Variants in ELMO1 observed in about 807,000 individuals in gnomAD.
The protein encoded by ELMO1 is engulfment and cell motility 1, also known as engulfment and cell motility protein 1.
Under a neutral mutation model 98.9 loss-of-function variants are expected in ELMO1, and 26 were observed. The ratio of observed to expected loss-of-function variants is 0.26; its 90% CI spans 0.19 to 0.36. The LOEUF is 0.36. ELMO1 is among the 10% of genes least tolerant of loss of function. The pLI is 1.00. For missense variants in ELMO1, 627 were observed against 935.2 expected, an observed-to-expected ratio of 0.67 and a Z score of 4.30; for synonymous variants, 346 against 346.0, an observed-to-expected ratio of 1.00 and a Z score of 0.00.
intron 16 of ELMO1, among the ~76,000 whole-genome samples, chr7:36,995,582 T>A (rs1792152326): frequency 6.6e-6 from 1 of 152,180 alleles, no homozygotes; most frequent in African/African-American, 2.4e-5. Flanking sequence ...CAGGCTGCTC[T>A]ACTCACATTT....
At chr7:37,000,445 G>A (rs911971709) in intron 16 of ELMO1, among the ~76,000 whole-genome samples, 1 of 152,188 alleles carries the variant, frequency 6.6e-6, no homozygotes, top group Non-Finnish European at 1.5e-5. Context: ...AAGAGTTCTG[G>A]GGAGCTGATT....
intron 14 of ELMO1, among the ~76,000 whole-genome samples, chr7:37,131,814 C>T (rs929615869): frequency 1.3e-5 from 2 of 152,188 alleles, no homozygotes; most frequent in Non-Finnish European, 2.9e-5. Flanking sequence ...ATTCAGATTA[C>T]AAATAATATT....
intron 16 of ELMO1, among the ~76,000 whole-genome samples, chr7:36,956,382 C>A (rs1260760480): frequency 1.3e-5 from 2 of 152,160 alleles, no homozygotes; most frequent in African/African-American, 4.8e-5. Flanking sequence ...TCTGCATATG[C>A]CTTCTTGTCT....
At chr7:37,195,119 C>G (rs1235261269) in intron 13 of ELMO1, among the ~76,000 whole-genome samples, 2 of 152,154 alleles carry the variant, frequency 1.3e-5, no homozygotes, top group South Asian at 2.1e-4. Context: ...AGCAGGCTCC[C>G]TGTGTCTAGT....
chr7:37,236,801 C>G (rs1354080841), intron 7 of ELMO1, among the ~76,000 whole-genome samples: 1 of 152,088 alleles, frequency 6.6e-6, no homozygotes, highest in Non-Finnish European at 1.5e-5. Flanking sequence ...AGTGAGATGG[C>G]TATAAAAGCT....
intron 1 of ELMO1, among the ~76,000 whole-genome samples, chr7:37,390,912 GAC>G (rs1023329973): frequency 6.6e-5 from 10 of 152,214 alleles, no homozygotes; most frequent in Non-Finnish European, 1.0e-4. Context: ...TGACCCTGTA[GAC>G]ACTGTTTCCC....
At chr7:36,893,428 G>T (rs185613828) in intron 17 of ELMO1, among the ~76,000 whole-genome samples, 1 of 152,256 alleles carries the variant, frequency 6.6e-6, no homozygotes, top group African/African-American at 2.4e-5. Flanking sequence ...TGCTCATGCA[G>T]GTATGACTTA....
At chr7:36,982,193 CTTT>C (rs1002419725) in intron 16 of ELMO1, among the ~76,000 whole-genome samples, 5 of 152,172 alleles carry the variant, frequency 3.3e-5, no homozygotes, top group African/African-American at 1.2e-4. Context: ...CATGAATCTA[CTTT>C]TTTAACTATG....
chr7:37,208,745 CAA>C (rs1792788853), intron 13 of ELMO1, among the ~76,000 whole-genome samples: 1 of 152,126 alleles, frequency 6.6e-6, no homozygotes, highest in African/African-American at 2.4e-5. Context: ...ATCTGCTTGT[CAA>C]AAGTTACTGG....
At chr7:37,011,511 G>C (rs1294914756) in intron 16 of ELMO1, among the ~76,000 whole-genome samples, 1 of 152,196 alleles carries the variant, frequency 6.6e-6, no homozygotes, top group East Asian at 1.9e-4. Flanking sequence ...GCTTATCTGT[G>C]CCTAGATCAA....
intron 13 of ELMO1, among the ~76,000 whole-genome samples, chr7:37,195,416 A>T (rs1245348219): frequency 6.6e-6 from 1 of 152,200 alleles, no homozygotes; most frequent in Non-Finnish European, 1.5e-5. Flanking sequence ...ACATGACCCT[A>T]TTGCCTGGCA....
At chr7:37,048,022 C>G (rs1323717469) in intron 15 of ELMO1, among the ~76,000 whole-genome samples, 1 of 152,176 alleles carries the variant, frequency 6.6e-6, no homozygotes, top group Non-Finnish European at 1.5e-5. Context: ...ATTGGTTTGC[C>G]TTGTAGAACT....
At chr7:37,097,447 G>A (rs73335535) in intron 14 of ELMO1, among the ~76,000 whole-genome samples, 22,682 of 152,064 alleles carry the variant, frequency 0.15, 2,570 homozygotes, top group African/African-American at 0.32. Flanking sequence ...ATCTGGGTGC[G>A]GTGGCAGGTG....
At chr7:37,072,296 T>C (rs1476756405) in intron 15 of ELMO1, among the ~76,000 whole-genome samples, 1 of 152,214 alleles carries the variant, frequency 6.6e-6, no homozygotes, top group East Asian at 1.9e-4. Flanking sequence ...AATTGAATCA[T>C]GGGGGTGGGT....
chr7:36,934,650 T>C (rs1254080953), intron 16 of ELMO1, among the ~76,000 whole-genome samples: 2 of 152,240 alleles, frequency 1.3e-5, no homozygotes, highest in African/African-American at 4.8e-5. Context: ...GCATGAAGGT[T>C]AATAATGGGC....
chr7:37,314,189 A>G (rs1228413031), intron 4 of ELMO1, among the ~76,000 whole-genome samples: 1 of 152,226 alleles, frequency 6.6e-6, no homozygotes, highest in African/African-American at 2.4e-5. Flanking sequence ...TTTATAGCCC[A>G]GGTTAGTCTT....
chr7:36,933,303 C>T (rs1786207116), intron 16 of ELMO1, among the ~76,000 whole-genome samples: 1 of 152,122 alleles, frequency 6.6e-6, no homozygotes, highest in Admixed American at 6.5e-5. Context: ...GGATATTAAT[C>T]CATTTGGTCC....
Position 36,900,921 on chromosome 7 carries a change from T to C in ELMO1, c.1438-5904A>G, listed in dbSNP as rs1806457718. 2.0e-5 allele frequency among the ~76,000 whole-genome samples: 3 copies of C among 152,302 alleles called. No individual in the cohort carries two copies. In the South Asian group the frequency reaches 6.2e-4, roughly 32 times the overall value. ...AACAACCAAAGAATTGGAAAGATTC[T>C]GCCTGCAGAGGGGTCTGGGGGAAGA... On this transcript the variant is annotated intron_variant, in intron 16 of 21. Transcript: ENST00000310758.
chr7:37,289,387 A>C (rs192536844), intron 4 of ELMO1, among the ~76,000 whole-genome samples: 24 of 152,216 alleles, frequency 1.6e-4, no homozygotes, highest in African/African-American at 5.8e-4. Context: ...GAGTTGAGAT[A>C]TATTTGCTCA....
Sources: gnomAD v4.1 joint callset for allele counts (sites outside exome capture counted in the v4.1 genomes callset) on GRCh38, gnomAD v4.1.1 for gene constraint, MANE v1.5 for transcripts, NCBI Gene and HGNC (gene_info 2026-07-23, HGNC 2026-07-21) for gene names.